The following EDAR variants were observed in gnomAD, a reference collection of about 807,000 sequenced individuals.
EDAR encodes the protein tumor necrosis factor receptor superfamily member EDAR.
Under a neutral mutation model 51.3 loss-of-function variants are expected in EDAR, and 38 were observed. That is an observed-to-expected ratio of 0.74 (90% CI 0.57 to 0.97). The LOEUF (loss-of-function observed/expected upper bound fraction) is 0.97. Among genes scored for constraint, EDAR ranks in the 50% least tolerant of loss-of-function variants. The pLI is 0.00. For synonymous variants in EDAR, 227 were observed against 242.1 expected (o/e 0.94, Z 0.58); for missense variants, 528 against 595.0 (o/e 0.89, Z 1.17).
chr2:108,923,309 T>G, intron 5 of EDAR, 59 bp downstream of exon 5: 1 of 1,510,170 alleles, frequency 6.6e-7, no homozygotes, highest in Non-Finnish European at 9.2e-7. Flanking sequence ...ACACCCTCTG[T>G]AGTGAAAGGG....
intron 5 of EDAR, among the ~76,000 whole-genome samples, 185 bp from the exon 6 acceptor site, chr2:108,912,949 T>TC (rs1696956036): frequency 1.8e-5 from 2 of 111,486 alleles, no homozygotes; most frequent in Admixed American, 8.5e-5. Context: ...GTTATTGTTC[T>TC]TTTTTTTTTT....
intron 1 of EDAR, among the ~76,000 whole-genome samples, chr2:108,956,792 T>G (rs950052090): frequency 4.6e-5 from 6 of 130,442 alleles, no homozygotes; most frequent in South Asian, 2.2e-4. Flanking sequence ...CTCTTTTTTT[T>G]TTTGTTTTTT....
At position 108,923,589 on chromosome 2, in the gene EDAR, C is replaced by T. The variant is rs946500101; in HGVS notation, c.357-136G>A. ...CATGAGGCCACGCCCACTCAGTCAC[C>T]TGCTCTGTCCACTCAGTTTCCTTGG... On this transcript the variant is annotated intron_variant, in intron 4 of 11. Transcript: ENST00000258443. 85 of 732,756 alleles carry T rather than the reference C, an allele frequency of 1.2e-4. 1 individual carries two copies. The South Asian group carries it at 1.3e-3, about 11-fold the overall frequency. The allele number at this position is 732,756 out of a possible 1,614,324, so 45.4% of individuals were successfully genotyped here.
intron 5 of EDAR, among the ~76,000 whole-genome samples, chr2:108,920,062 C>T (rs554465265): frequency 7.2e-5 from 11 of 152,356 alleles, no homozygotes; most frequent in African/African-American, 2.4e-4. Flanking sequence ...GTCACAGAGA[C>T]ACCTGAGTCC....
chr2:108,950,260 C>G (rs1190382549), intron 1 of EDAR, among the ~76,000 whole-genome samples: 1 of 145,520 alleles, frequency 6.9e-6, no homozygotes, highest in Non-Finnish European at 1.5e-5. Context: ...CCCTCCATTC[C>G]TTTTCTTTTT....
chr2:108,919,781 C>T (rs192335240), intron 5 of EDAR, among the ~76,000 whole-genome samples: 51 of 152,198 alleles, frequency 3.4e-4, no homozygotes, highest in Admixed American at 3.0e-3. Flanking sequence ...CCGTGGGGCA[C>T]CTGCCCTCTC....
intron 1 of EDAR, among the ~76,000 whole-genome samples, chr2:108,969,064 C>T (rs1017162496): frequency 2.0e-5 from 3 of 152,154 alleles, no homozygotes; most frequent in Non-Finnish European, 2.9e-5. Flanking sequence ...CTGAATGAGT[C>T]CCTGATGCAC....
At position 108,897,115 on chromosome 2, in the gene EDAR, C is replaced by T. The variant is rs1696613333; in HGVS notation, c.1139G>A (p.Ser380Asn). 1 of 1,614,120 alleles carries T rather than the reference C, an allele frequency of 6.2e-7. No individual in the cohort carries two copies. The highest frequency in any genetic ancestry group is 8.5e-7 in the Non-Finnish European group (1 of 1,180,038). The change falls in exon 12 of 12, where the codon AGC becomes AAC. Residue 380 changes from serine to asparagine, a missense_variant. Ser to Asn is a conservative substitution (Grantham distance 46, BLOSUM62 1). Coordinates refer to ENST00000258443, the MANE Select transcript of EDAR (RefSeq NM_022336.4). ...AATCTCATCCCTCTTCAGGCCGAAGCTCTCGGCGAGGTGGCGCCACGTTTT... is the reference window on the plus strand; with the variant it reads ...AATCTCATCCCTCTTCAGGCCGAAGTTCTCGGCGAGGTGGCGCCACGTTTT... ...VVKTWRHLAE[S>N]FGLKRDEIGG...
chr2:108,957,698 G>A (rs1432610175), intron 1 of EDAR, among the ~76,000 whole-genome samples: 3 of 152,174 alleles, frequency 2.0e-5, no homozygotes, highest in Admixed American at 1.3e-4. Context: ...ATCCTTCACC[G>A]GGCCTACCAG....
At chr2:108,982,782 C>G (rs908504595) in intron 1 of EDAR, among the ~76,000 whole-genome samples, 3 of 152,134 alleles carry the variant, frequency 2.0e-5, no homozygotes, top group Non-Finnish European at 4.4e-5. Flanking sequence ...AGTCTCCTTG[C>G]TTTGGTTACG....
At chr2:108,961,011 A>G (rs1228564384) in intron 1 of EDAR, among the ~76,000 whole-genome samples, 1 of 152,174 alleles carries the variant, frequency 6.6e-6, no homozygotes, top group African/African-American at 2.4e-5. Flanking sequence ...TTTCCTTACA[A>G]TAGAGTCCCA....
chr2:108,967,147 C>T (rs1449894545), intron 1 of EDAR, among the ~76,000 whole-genome samples: 1 of 152,138 alleles, frequency 6.6e-6, no homozygotes, highest in African/African-American at 2.4e-5. Flanking sequence ...GTTGGTTAGG[C>T]TGGTTTTGAA....
intron 1 of EDAR, among the ~76,000 whole-genome samples, chr2:108,932,528 CAAAAAAAAAAAA>C (rs1171012818): frequency 2.6e-5 from 1 of 39,124 alleles, no homozygotes; most frequent in South Asian, 1.1e-3. Flanking sequence ...GACTCTGTCT[CAAAAAAAAAAAA>C]AAAAAAAAAA....
intron 1 of EDAR, among the ~76,000 whole-genome samples, chr2:108,984,354 G>A (rs1432490992): frequency 6.6e-6 from 1 of 152,178 alleles, no homozygotes; most frequent in Non-Finnish European, 1.5e-5. Context: ...CACAGGGCGT[G>A]AGCCACCATG....
intron 1 of EDAR, among the ~76,000 whole-genome samples, chr2:108,983,007 G>A (rs921154615): frequency 2.6e-5 from 4 of 152,110 alleles, no homozygotes; most frequent in Non-Finnish European, 5.9e-5. Context: ...GTACTTATTG[G>A]AGATTTTATT....
At chr2:108,968,302 G>A (rs1200053866) in intron 1 of EDAR, among the ~76,000 whole-genome samples, 1 of 152,206 alleles carries the variant, frequency 6.6e-6, no homozygotes, top group African/African-American at 2.4e-5. Flanking sequence ...CAACATTTAA[G>A]ATGGAATGGT....
At chr2:108,968,634 AC>A (rs954776469) in intron 1 of EDAR, among the ~76,000 whole-genome samples, 1 of 152,162 alleles carries the variant, frequency 6.6e-6, no homozygotes, top group Non-Finnish European at 1.5e-5. Flanking sequence ...CTTCCTAGCT[AC>A]CAGGGAAGAA....
At chr2:108,906,568 T>G (rs550668654) in intron 10 of EDAR, among the ~76,000 whole-genome samples, 200 bp from the exon 11 acceptor site, 2 of 152,218 alleles carry the variant, frequency 1.3e-5, no homozygotes, top group South Asian at 2.1e-4. Flanking sequence ...ATTTTTGGGG[T>G]CTACCACGGG....
At chr2:108,906,244 C>G in intron 11 of EDAR, 64 bp downstream of exon 11, 1 of 1,575,074 alleles carries the variant, frequency 6.3e-7, no homozygotes, top group East Asian at 2.2e-5. Context: ...CTCAGGGCTC[C>G]GGGCCCAGCC....
Sources: gnomAD v4.1 joint callset for allele counts (sites outside exome capture counted in the v4.1 genomes callset) on GRCh38, gnomAD v4.1.1 for gene constraint, MANE v1.5 for transcripts, NCBI Gene and HGNC (gene_info 2026-07-23, HGNC 2026-07-21) for gene names.